The following TIGAR variants were observed in gnomAD, a reference collection of about 807,000 sequenced individuals.
TIGAR encodes the protein TP53 induced glycolysis regulatory phosphatase.
Under a neutral mutation model 17.9 loss-of-function variants are expected in TIGAR, and 7 were observed. That is an observed-to-expected ratio of 0.39 (90% CI 0.22 to 0.73). TIGAR has a LOEUF of 0.73. Among genes scored for constraint, TIGAR ranks in the 30% least tolerant of loss-of-function variants. The pLI is 0.42. For missense variants in TIGAR, 258 were observed against 327.4 expected (o/e 0.79, Z 1.64); for synonymous variants, 94 against 108.6 (o/e 0.87, Z 0.84).
intron 3 of TIGAR, among the ~76,000 whole-genome samples, chr12:4,338,528 CAAAG>C (rs1459530529): frequency 1.3e-5 from 2 of 152,040 alleles, no homozygotes; most frequent in Non-Finnish European, 2.9e-5. Context: ...CGTGGATAGA[CAAAG>C]AACTCTAGAA....
chr12:4,343,134 C>T (rs1864743011), intron 3 of TIGAR, among the ~76,000 whole-genome samples: 1 of 151,752 alleles, frequency 6.6e-6, no homozygotes, highest in African/African-American at 2.4e-5. Context: ...TCAGAAGAGA[C>T]AAAGGCCATT....
At chr12:4,324,736 CCCG>C in intron 1 of TIGAR, 1 of 423,526 alleles carries the variant, frequency 2.4e-6, no homozygotes, top group Non-Finnish European at 4.5e-6. Context: ...CACGTCCCGT[CCCG>C]CAGCTGGTCC....
chr12:4,334,329 G>C (rs1036125625), intron 2 of TIGAR, among the ~76,000 whole-genome samples: 1 of 152,244 alleles, frequency 6.6e-6, no homozygotes, highest in East Asian at 1.9e-4. Flanking sequence ...ATGGCAGAGA[G>C]ATAGATTGAG....
At chr12:4,340,857 A>T (rs1455574300) in intron 3 of TIGAR, among the ~76,000 whole-genome samples, 1 of 152,104 alleles carries the variant, frequency 6.6e-6, no homozygotes, top group Non-Finnish European at 1.5e-5. Context: ...ATGAAACTAG[A>T]CCCCTGTCTT....
chr12:4,352,113 G>A (rs1304799963), intron 5 of TIGAR, 147 bp from the exon 6 acceptor site: 3 of 664,104 alleles, frequency 4.5e-6, no homozygotes, highest in Admixed American at 5.9e-5. Context: ...CTGATTGAAC[G>A]AATAGAAATG....
At chr12:4,327,768 A>G (rs1464851599) in intron 1 of TIGAR, among the ~76,000 whole-genome samples, 1 of 152,104 alleles carries the variant, frequency 6.6e-6, no homozygotes. Context: ...CCTGGGTTCA[A>G]GCGATTCTTC....
intron 3 of TIGAR, among the ~76,000 whole-genome samples, chr12:4,348,564 CAA>C (rs528885294): frequency 9.7e-4 from 147 of 151,570 alleles, no homozygotes; most frequent in African/African-American, 2.9e-3. Flanking sequence ...ACATTTCAGA[CAA>C]AGAGATTCTG....
rs1305062634 is a variant in TIGAR, at chr12:4,355,020, C to T, written c.*2329C>T. On this transcript the variant is annotated 3_prime_UTR_variant, in exon 6 of 6. Coordinates refer to ENST00000179259, the MANE Select transcript of TIGAR (RefSeq NM_020375.3). ...TGCTGGGATTGCAGGCATAAGCCAC[C>T]GTGCCTGGCCTATGATGCATTTTTT... Among the ~76,000 whole-genome samples the T allele has an allele frequency of 1.3e-5, 2 of 151,820 alleles. No homozygotes were observed. Among genetic ancestry groups the T allele is most frequent in the Non-Finnish European group, 2.9e-5 (2 of 67,962 alleles).
In TIGAR at chr12:4,355,465, GTTGTC is replaced by G. The variant is rs1252225119; in HGVS notation, c.*2777_*2781del. 2.0e-5 allele frequency among the ~76,000 whole-genome samples: 3 copies of G among 152,100 alleles called. No individual in the cohort carries two copies. Among genetic ancestry groups the G allele is most frequent in the African/African-American group, 7.2e-5 (3 of 41,414 alleles). On this transcript the variant is annotated 3_prime_UTR_variant, in exon 6 of 6. Coordinates refer to ENST00000179259, the MANE Select transcript of TIGAR (RefSeq NM_020375.3). ...ATACCTCCTCTTGTTCATTTTTAAA[GTTGTC>G]TTAACTATTTATGCACTTTTATTCT... is the stretch of plus-strand genomic sequence containing the variant.
intron 3 of TIGAR, among the ~76,000 whole-genome samples, chr12:4,342,799 C>T (rs1270278674): frequency 6.6e-6 from 1 of 152,144 alleles, no homozygotes; most frequent in Non-Finnish European, 1.5e-5. Context: ...ATTGTAAAGA[C>T]CATCAATGCT....
At position 4,357,054 on chromosome 12, in the gene TIGAR, T is replaced by C. The variant is rs1426785004; in HGVS notation, c.*4363T>C. On this transcript the variant is annotated 3_prime_UTR_variant, in exon 6 of 6. Coordinates refer to ENST00000179259, the MANE Select transcript of TIGAR (RefSeq NM_020375.3). ...TCTAATTTCTTTAAATGCTATGTCA[T>C]ACTCAGCAAGGACATGCTCATATTA... 6.6e-6 allele frequency among the ~76,000 whole-genome samples: 1 copy of C among 152,220 alleles called. No individual in the cohort carries two copies. The highest frequency in any genetic ancestry group is 2.4e-5 in the African/African-American group (1 of 41,454).
At chr12:4,336,976 T>G in intron 2 of TIGAR, 63 bp from the exon 3 acceptor site, 1 of 1,410,194 alleles carries the variant, frequency 7.1e-7, no homozygotes. Context: ...TTTCTACATG[T>G]GATTTATACA....
chr12:4,324,614 CCTT>C (rs1359094739), intron 1 of TIGAR: 2 of 1,545,226 alleles, frequency 1.3e-6, no homozygotes, highest in African/African-American at 1.4e-5. Flanking sequence ...GGCGGTGCCT[CCTT>C]CTTGGCCTTG....
Position 4,321,259 on chromosome 12 carries a change from C to A in TIGAR, c.-13C>A. ...GCGGCGCGGGGCCACCGACGGGACG[C>A]GGCTCCGGGAACATGGCTCGCTTCG... On this transcript the variant is annotated 5_prime_UTR_variant, in exon 1 of 6. Coordinates refer to ENST00000179259, the MANE Select transcript of TIGAR (RefSeq NM_020375.3). This position sits in a 1 kb window ranked among gnomAD's most constrained non-coding sequence, Gnocchi z 5.2. 1 of 1,600,776 alleles carries A rather than the reference C, an allele frequency of 6.2e-7. No homozygotes were observed. The highest frequency in any genetic ancestry group is 1.1e-5 in the South Asian group (1 of 91,084).
rs189186981 is a variant in TIGAR, at chr12:4,349,569, C to T, written c.193-250C>T. Reference sequence around the variant, plus strand: ...AGTAGCTGGAACTACAGGTGCGTGCCACCACATCCGGCTAATTTTTTGTAT... The same window carrying T: ...AGTAGCTGGAACTACAGGTGCGTGCTACCACATCCGGCTAATTTTTTGTAT... On this transcript the variant is annotated intron_variant, in intron 3 of 5. Transcript: ENST00000179259. Among the ~76,000 whole-genome samples the T allele has an allele frequency of 5.4e-4, 82 of 152,238 alleles. 1 individual carries two copies. The highest frequency in any genetic ancestry group is 6.5e-4 in the Admixed American group (10 of 15,294).
At position 4,352,719 on chromosome 12, in the gene TIGAR, T is replaced by C. The variant is rs769039874; in HGVS notation, c.*28T>C. ...TTAAATCTGCATCAAAATCTAACCA[T>C]TTTGAGCCTCTGAAGGGAGTGCCAT... On this transcript the variant is annotated 3_prime_UTR_variant, in exon 6 of 6. Coordinates refer to ENST00000179259, the MANE Select transcript of TIGAR (RefSeq NM_020375.3). 1.3e-6 allele frequency: 2 copies of C among 1,580,360 alleles called. No homozygotes were observed. Among genetic ancestry groups the C allele is most frequent in the South Asian group, 2.3e-5 (2 of 88,154 alleles).
intron 2 of TIGAR, among the ~76,000 whole-genome samples, chr12:4,331,926 G>A (rs1356404358): frequency 2.0e-5 from 3 of 152,004 alleles, no homozygotes; most frequent in Non-Finnish European, 4.4e-5. Flanking sequence ...TATTTTTTTG[G>A]TTAGGGACTT....
At chr12:4,333,493 G>A (rs4766235) in intron 2 of TIGAR, among the ~76,000 whole-genome samples, 5,411 of 150,892 alleles carry the variant, frequency 0.036, 465 homozygotes, top group East Asian at 0.33. Flanking sequence ...ATTTTGAGAC[G>A]GAGTCTCACT....
At chr12:4,334,323 CAGAG>C (rs1328208797) in intron 2 of TIGAR, among the ~76,000 whole-genome samples, 1 of 152,110 alleles carries the variant, frequency 6.6e-6, no homozygotes, top group African/African-American at 2.4e-5. Context: ...CCTCACATGG[CAGAG>C]AGATAGATTG....
Sources: allele counts gnomAD v4.1 joint callset (sites outside exome capture counted in the v4.1 genomes callset), GRCh38; gene constraint gnomAD v4.1.1; non-coding constraint Gnocchi (gnomAD v3.1); transcripts MANE v1.5; gene names NCBI Gene and HGNC (gene_info 2026-07-23, HGNC 2026-07-21).